PDXDC1: variants seen among roughly 807,000 people sequenced by gnomAD.
The protein encoded by PDXDC1 is pyridoxal-dependent decarboxylase domain-containing protein 1.
In PDXDC1, 42 loss-of-function variants were observed where a neutral mutation model predicts 100.1. The observed-to-expected ratio is 0.42, with a 90% CI of 0.33 to 0.54. PDXDC1 has a LOEUF of 0.54. Among genes scored for constraint, PDXDC1 ranks in the 20% least tolerant of loss-of-function variants. The pLI is 0.10. For synonymous variants in PDXDC1, 260 were observed against 371.7 expected, an observed-to-expected ratio of 0.70 and a Z score of 3.46; for missense variants, 636 against 979.2, an observed-to-expected ratio of 0.65 and a Z score of 4.68.
chr16:15,151,976 G>C, the PDXDC1 span, among the ~76,000 whole-genome samples: 1 of 140,790 alleles, frequency 7.1e-6, no homozygotes, highest in Non-Finnish European at 1.6e-5. Context: ...GAGGGGAAGG[G>C]TCGGGGCAGG....
chr16:14,976,367 TCACTGGAGAG>T (rs1407216305), intron 1 of PDXDC1, among the ~76,000 whole-genome samples: 2 of 152,292 alleles, frequency 1.3e-5, no homozygotes, highest in Non-Finnish European at 2.9e-5. Flanking sequence ...TGTTCACTTG[TCACTGGAGAG>T]TTGAAGGCAA....
At position 15,129,466 on chromosome 16, in the gene PDXDC1, G is replaced by A. The variant is rs189705920; in HGVS notation, c.1400-9413G>A. On this transcript the variant is annotated intron_variant, in intron 16 of 16. Coordinates refer to the PDXDC1 transcript ENST00000535621. ...AAAAAAGAAAAACGAAAACAAAAAG[G>A]GAATGCCAGAAGGGCAATTCCAATG... Among the ~76,000 whole-genome samples the A allele has an allele frequency of 2.5e-3, 381 of 152,308 alleles. 2 individuals carry two copies. Among genetic ancestry groups the A allele is most frequent in the African/African-American group, 8.6e-3 (358 of 41,572 alleles).
intron 16 of PDXDC1, chr16:15,094,436 G>A (rs962290710): frequency 1.6e-6 from 1 of 607,766 alleles, no homozygotes; most frequent in African/African-American, 1.9e-5. Flanking sequence ...TCCAGCCAGC[G>A]CTAGTGCGTG....
At chr16:15,027,746 CTTT>C (rs1433041275) in intron 14 of PDXDC1, among the ~76,000 whole-genome samples, 18 of 152,394 alleles carry the variant, frequency 1.2e-4, no homozygotes, top group Non-Finnish European at 2.1e-4. Flanking sequence ...CCGCTTGTGT[CTTT>C]TTCCACCAAT....
chr16:14,982,153 T>C (rs1396912062), intron 1 of PDXDC1, among the ~76,000 whole-genome samples: 18 of 152,406 alleles, frequency 1.2e-4, no homozygotes, highest in African/African-American at 2.6e-4. Context: ...TAAATACTTA[T>C]AGTTACACCT....
At chr16:15,015,352 T>C (rs1647995003) in intron 8 of PDXDC1, among the ~76,000 whole-genome samples, 1 of 152,280 alleles carries the variant, frequency 6.6e-6, no homozygotes, top group Non-Finnish European at 1.5e-5. Flanking sequence ...AAAATGAAAG[T>C]ACCATAGCCA....
In PDXDC1 at chr16:15,131,750, G is replaced by C. The variant is rs568326339; in HGVS notation, c.1400-7129G>C. Reference sequence around the variant, plus strand: ...GTCAGTGCAGAGACAGGGAGGCAGAGGGAGGGTGGGGGCAGGCAAAAAGGG... The same window carrying C: ...GTCAGTGCAGAGACAGGGAGGCAGACGGAGGGTGGGGGCAGGCAAAAAGGG... On this transcript the variant is annotated intron_variant, in intron 16 of 16. Transcript: ENST00000535621. The C allele has an allele frequency of 3.8e-5, 41 of 1,079,658 alleles. No individual in the cohort carries two copies. The African/African-American group carries it at 5.1e-4, about 13-fold the overall frequency. 66.9% of individuals were successfully genotyped at this position (1,079,658 alleles called of 1,614,324 possible).
intron 16 of PDXDC1, chr16:15,128,473 C>G: frequency 2.6e-6 from 2 of 771,258 alleles, no homozygotes; most frequent in South Asian, 3.1e-5. Context: ...CAGCTTTGGC[C>G]TCCGCGCACT....
At chr16:14,994,439 C>A (rs1274192014) in intron 1 of PDXDC1, among the ~76,000 whole-genome samples, 1 of 152,290 alleles carries the variant, frequency 6.6e-6, no homozygotes, top group Admixed American at 6.5e-5. Context: ...TGCCAAAGAT[C>A]AGATAGTTGT....
At chr16:14,989,600 C>A (rs1358723681) in intron 1 of PDXDC1, 1 of 1,609,684 alleles carries the variant, frequency 6.2e-7, no homozygotes, top group African/African-American at 1.3e-5. Flanking sequence ...CCTCTTGCAG[C>A]AGCACGCAGT....
At chr16:14,979,542 G>A (rs1268189684) in intron 1 of PDXDC1, among the ~76,000 whole-genome samples, 8 of 152,252 alleles carry the variant, frequency 5.3e-5, no homozygotes, top group African/African-American at 7.2e-5. Flanking sequence ...CACCCGCCTC[G>A]GCCTCCCAAA....
chr16:15,082,566 G>A (rs574174787), intron 16 of PDXDC1, among the ~76,000 whole-genome samples: 6 of 151,920 alleles, frequency 3.9e-5, no homozygotes, highest in South Asian at 4.2e-4. Flanking sequence ...CCACCTACTC[G>A]GGAGGCTGAG....
downstream of PDXDC1, among the ~76,000 whole-genome samples, chr16:15,143,181 T>C (rs1000454098): frequency 6.6e-6 from 1 of 152,098 alleles, no homozygotes; most frequent in Non-Finnish European, 1.5e-5. Flanking sequence ...GTTAGGACCA[T>C]CCTAGCGTGG....
downstream of PDXDC1, among the ~76,000 whole-genome samples, chr16:15,141,374 C>T (rs1291345079): frequency 6.6e-6 from 1 of 152,240 alleles, no homozygotes; most frequent in Admixed American, 6.5e-5. Context: ...CAGCCCCAGC[C>T]ACGGACGGTG....
intron 1 of PDXDC1, among the ~76,000 whole-genome samples, chr16:14,978,994 A>C (rs1967336388): frequency 6.6e-6 from 1 of 152,284 alleles, no homozygotes; most frequent in South Asian, 2.1e-4. Context: ...ACAATAAGAA[A>C]TGTCTCAAGA....
At chr16:15,034,626 A>G (rs1358152832) in intron 21 of PDXDC1, 73 bp downstream of exon 21, 5 of 1,066,040 alleles carry the variant, frequency 4.7e-6, no homozygotes, top group Non-Finnish European at 7.3e-6. Context: ...GGGTCCCAAC[A>G]CTTCCCACTG....
chr16:15,006,699 C>T, intron 6 of PDXDC1, 116 bp downstream of exon 6: 1 of 1,017,208 alleles, frequency 9.8e-7, no homozygotes, highest in Non-Finnish European at 1.4e-6. Context: ...GAAAGATGGT[C>T]TTATATGCTT....
At chr16:15,070,258 G>C in intron 16 of PDXDC1, 2 of 1,611,392 alleles carry the variant, frequency 1.2e-6, no homozygotes, top group Middle Eastern at 2.3e-4. Flanking sequence ...TACAGTACTA[G>C]AGAAAAGAAA....
At chr16:15,091,899 C>T (rs532020259) in intron 16 of PDXDC1, among the ~76,000 whole-genome samples, 1 of 152,292 alleles carries the variant, frequency 6.6e-6, no homozygotes, top group South Asian at 2.1e-4. Context: ...ATGCTGTAGG[C>T]CAGGCATGGT....
Sources: allele counts gnomAD v4.1 joint callset (sites outside exome capture counted in the v4.1 genomes callset), GRCh38; gene constraint gnomAD v4.1.1; transcripts MANE v1.5; gene names NCBI Gene and HGNC (gene_info 2026-07-23, HGNC 2026-07-21).